PIEZO2: variants seen among roughly 807,000 people sequenced by gnomAD.
The protein encoded by PIEZO2 is piezo-type mechanosensitive ion channel component 2.
Under a neutral mutation model 337.3 loss-of-function variants are expected in PIEZO2, and 172 were observed. The observed-to-expected ratio is 0.51, with a 90% CI of 0.45 to 0.58. PIEZO2 has a LOEUF of 0.58. Ranked by LOEUF, PIEZO2 falls within the 20% of genes least tolerant of loss-of-function variation. The pLI is 0.00. For missense variants in PIEZO2, 3,028 were observed against 3,391.3 expected (o/e 0.89, Z 2.66); for synonymous variants, 1,251 against 1,228.5 (o/e 1.02, Z -0.38).
At chr18:10,918,226 C>G (rs991138512) in intron 3 of PIEZO2, among the ~76,000 whole-genome samples, 21 of 152,094 alleles carry the variant, frequency 1.4e-4, no homozygotes, top group Non-Finnish European at 7.4e-5. Context: ...TGAGGTTCAT[C>G]ATTAATAGAT....
chr18:10,803,326 T>C (rs1158638001), intron 9 of PIEZO2, among the ~76,000 whole-genome samples: 3 of 152,196 alleles, frequency 2.0e-5, no homozygotes, highest in Admixed American at 2.0e-4. Flanking sequence ...AGTCCACAAA[T>C]ATTGGAAAGT....
At chr18:10,684,929 G>A (rs1414977792) in intron 49 of PIEZO2, among the ~76,000 whole-genome samples, 4 of 152,014 alleles carry the variant, frequency 2.6e-5, no homozygotes, top group African/African-American at 4.8e-5. Context: ...GTGCGGTGTC[G>A]TGATCATGGC....
chr18:10,790,120 T>C (rs952521820), intron 14 of PIEZO2, among the ~76,000 whole-genome samples: 3 of 152,206 alleles, frequency 2.0e-5, no homozygotes, highest in Non-Finnish European at 2.9e-5. Flanking sequence ...TTTACCAAAA[T>C]TAACTGGTTA....
In PIEZO2 at chr18:10,962,722, T is replaced by TTAA; in HGVS notation, c.286+16812_286+16813insTTA. ...CGTAGTATCATCTCAGTTTTTTAATTTGTAATTTCATCCCCAAGATAAATC... is the reference window on the plus strand; with the variant it reads ...CGTAGTATCATCTCAGTTTTTTAATTTAATGTAATTTCATCCCCAAGATAAATC... On this transcript the variant is annotated intron_variant, in intron 3 of 55. Coordinates refer to ENST00000674853, the MANE Select transcript of PIEZO2 (RefSeq NM_001378183.1). The surrounding 1 kb of genome is among the most constrained non-coding windows in gnomAD (Gnocchi z 4.1). Among the ~76,000 whole-genome samples the TTAA allele has an allele frequency of 6.6e-6, 1 of 152,180 alleles. No individual in the cohort carries two copies. The highest frequency in any genetic ancestry group is 6.5e-5 in the Admixed American group (1 of 15,288).
At chr18:10,779,317 T>C (rs913293767) in intron 18 of PIEZO2, among the ~76,000 whole-genome samples, 1 of 152,248 alleles carries the variant, frequency 6.6e-6, no homozygotes, top group Non-Finnish European at 1.5e-5. Flanking sequence ...GCAAGATATA[T>C]TTCTCTTACT....
chr18:10,836,076 G>A (rs1244042229), intron 7 of PIEZO2, among the ~76,000 whole-genome samples: 3 of 152,094 alleles, frequency 2.0e-5, no homozygotes, highest in Non-Finnish European at 4.4e-5. Flanking sequence ...AGTTTGTGAT[G>A]ATTCCCCCAG....
intron 3 of PIEZO2, among the ~76,000 whole-genome samples, chr18:10,911,757 A>AAAAAC (rs934136980): frequency 2.5e-4 from 5 of 19,964 alleles, no homozygotes; most frequent in African/African-American, 9.1e-4. Context: ...TCCATCTTGA[A>AAAAAC]AAAACAAAAC....
chr18:10,838,046 C>A (rs1421589957), intron 7 of PIEZO2, among the ~76,000 whole-genome samples: 2 of 152,090 alleles, frequency 1.3e-5, no homozygotes, highest in Non-Finnish European at 2.9e-5. Flanking sequence ...GCCACCACAC[C>A]CAGCAAAATT....
chr18:11,020,949 A>G (rs1195950149), intron 2 of PIEZO2, among the ~76,000 whole-genome samples: 3 of 152,252 alleles, frequency 2.0e-5, no homozygotes, highest in Non-Finnish European at 2.9e-5. Flanking sequence ...AATCAAAGAA[A>G]TATAGAAAGT....
intron 51 of PIEZO2, 81 bp downstream of exon 51, chr18:10,681,580 A>G: frequency 1.7e-6 from 2 of 1,205,252 alleles, no homozygotes; most frequent in Non-Finnish European, 1.2e-6. Flanking sequence ...ACCTCAGGCC[A>G]TGGCAAAGCA....
intron 7 of PIEZO2, among the ~76,000 whole-genome samples, chr18:10,818,727 A>ATG (rs1320875816): frequency 6.6e-6 from 1 of 152,194 alleles, no homozygotes. Flanking sequence ...ACAGTATTGT[A>ATG]TGTTCATATT....
In PIEZO2 at chr18:10,675,213, T is replaced by A. The variant is rs746606142; in HGVS notation, c.8157A>T (p.Leu2719Phe). The A allele has an allele frequency of 6.5e-7, 1 of 1,535,322 alleles. No individual in the cohort carries two copies. Among genetic ancestry groups the A allele is most frequent in the East Asian group, 2.3e-5 (1 of 43,804 alleles). ...DSNSKPIKQL[L>F]SENNFMDITI... ...ACAAATTTTTCTCATTCTTACCAGA[T>A]AAAAGTTGCTTTATAGGTTTTGAGT... The change falls in exon 54 of 56, where the codon TTA (leucine) becomes TTT (phenylalanine). Residue 2719 changes from leucine (L) to phenylalanine (F), a missense_variant. Physicochemically the swap from Leu to Phe is conservative, Grantham distance 22. This residue lies in a region of PIEZO2 where 332 missense variants were observed against 363.8 expected (regional missense o/e 0.91). Coordinates refer to ENST00000674853, the MANE Select transcript of PIEZO2 (RefSeq NM_001378183.1).
chr18:10,835,276 ATT>A (rs56962370), intron 7 of PIEZO2, among the ~76,000 whole-genome samples: 31 of 143,228 alleles, frequency 2.2e-4, no homozygotes, highest in Non-Finnish European at 1.8e-4. Flanking sequence ...CAATGACCTC[ATT>A]TTTTTTTTTT....
intron 38 of PIEZO2, 128 bp from the exon 39 acceptor site, chr18:10,715,058 C>T: frequency 1.1e-6 from 1 of 900,534 alleles, no homozygotes; most frequent in Non-Finnish European, 1.6e-6. Flanking sequence ...CCATGCTAGG[C>T]AAGTGGGGAT....
chr18:10,722,376 G>A (rs1025960192), intron 36 of PIEZO2, among the ~76,000 whole-genome samples: 9 of 151,826 alleles, frequency 5.9e-5, no homozygotes, highest in Admixed American at 4.6e-4. Flanking sequence ...GATTACAGGT[G>A]CGTGCCACCA....
In PIEZO2 at chr18:10,825,550, C is replaced by CTTTTTTTTTTTTT. The variant is rs57159292; in HGVS notation, c.918-18289_918-18277dup. Among the ~76,000 whole-genome samples the CTTTTTTTTTTTTT allele has an allele frequency of 3.2e-3, 361 of 113,778 alleles. 1 individual carries two copies. Among genetic ancestry groups the CTTTTTTTTTTTTT allele is most frequent in the Non-Finnish European group, 4.1e-3 (238 of 58,156 alleles). The allele number at this position is 113,778 out of a possible 152,430, so 74.6% of individuals were successfully genotyped here. ...TTTTTCCACTTTCTTTCCTTTCTTCCTTTTTTTTTTTTTTTTTTGAGACAG... is the reference window on the plus strand; with the variant it reads ...TTTTTCCACTTTCTTTCCTTTCTTCCTTTTTTTTTTTTTTTTTTTTTTTTTTTTTTTGAGACAG... On this transcript the variant is annotated intron_variant, in intron 7 of 55. Coordinates refer to ENST00000674853, the MANE Select transcript of PIEZO2 (RefSeq NM_001378183.1).
chr18:10,778,629 G>A (rs2038874217), intron 18 of PIEZO2, among the ~76,000 whole-genome samples: 1 of 151,888 alleles, frequency 6.6e-6, no homozygotes, highest in Admixed American at 6.6e-5. Flanking sequence ...ACCACACCCG[G>A]CCTCTGGCTG....
Position 10,800,403 on chromosome 18 carries a change from C to T in PIEZO2, c.1312G>A (p.Gly438Ser), listed in dbSNP as rs763065483. Reference sequence around the variant, plus strand: ...GAGTAGAGGTCGGCTTTGCCAGGGCCGTTCTCCATGGGCAGGCTTGGGTGG... The same window carrying T: ...GAGTAGAGGTCGGCTTTGCCAGGGCTGTTCTCCATGGGCAGGCTTGGGTGG... ...TIHPSLPMEN[G>S]PGKADLYSTP... is the part of the protein sequence containing the mutation. The change falls in exon 11 of 56, where the codon GGC becomes AGC. Residue 438 changes from glycine (G) to serine (S), a missense_variant. Transcript: ENST00000674853. The T allele has an allele frequency of 3.9e-6, 6 of 1,536,098 alleles. No homozygotes were observed. Among genetic ancestry groups the T allele is most frequent in the East Asian group, 2.5e-5 (1 of 40,800 alleles).
intron 4 of PIEZO2, among the ~76,000 whole-genome samples, chr18:10,881,694 C>A (rs1253790126): frequency 1.3e-5 from 2 of 152,174 alleles, no homozygotes; most frequent in Non-Finnish European, 2.9e-5. Context: ...TACCAACACA[C>A]AACTGCTGCT....
Sources: gnomAD v4.1 joint callset for allele counts (sites outside exome capture counted in the v4.1 genomes callset) on GRCh38, gnomAD v4.1.1 for gene constraint, gnomAD v4.1.1 regional missense constraint, Gnocchi (gnomAD v3.1) non-coding constraint, MANE v1.5 for transcripts, NCBI Gene and HGNC (gene_info 2026-07-23, HGNC 2026-07-21) for gene names.